The following KCNT1 variants were observed in gnomAD, a reference collection of about 807,000 sequenced individuals.
The protein encoded by KCNT1 is potassium channel subfamily T member 1.
A neutral mutation model predicts 147.8 loss-of-function variants in KCNT1; 78 were observed. The observed-to-expected ratio is 0.53, with a 90% CI of 0.44 to 0.64. The LOEUF (loss-of-function observed/expected upper bound fraction) is 0.64, where lower values mean the gene tolerates loss of function less well. KCNT1 is among the 30% of genes least tolerant of loss of function. The pLI is 0.00. For synonymous variants in KCNT1, 867 were observed against 748.8 expected (o/e 1.16, Z -2.58); for missense variants, 1,419 against 1,750.3 (o/e 0.81, Z 3.38).
chr9:135,763,780 C>A (rs1292863299), intron 11 of KCNT1, among the ~76,000 whole-genome samples: 1 of 152,172 alleles, frequency 6.6e-6, no homozygotes, highest in Non-Finnish European at 1.5e-5. Flanking sequence ...AGGTTCTGGG[C>A]AGATAGGACT....
rs1832713510 is a variant in KCNT1 at position 135,770,940 on chromosome 9, C to T, written c.1853C>T (p.Ala618Val). The change falls in exon 18 of 31, where the codon GCC becomes GTC. Residue 618 changes from alanine to valine, a missense_variant. This residue lies in a region of KCNT1 where 284 missense variants were observed against 292.8 expected (regional missense o/e 0.97). Transcript: ENST00000371757. ...CCGGGGCCCCGGCACATCCTGGCCGCCTCTGACACCTGCTTCTACATCAAC... is the reference window on the plus strand; with the variant it reads ...CCGGGGCCCCGGCACATCCTGGCCGTCTCTGACACCTGCTTCTACATCAAC... ...LNPGPRHILA[A>V]SDTCFYINIT... 3.1e-6 allele frequency: 5 copies of T among 1,613,390 alleles called. No homozygotes were observed. The South Asian group carries it at 5.5e-5, about 18-fold the overall frequency.
chr9:135,776,731 C>T (rs992406602), intron 20 of KCNT1, among the ~76,000 whole-genome samples: 5 of 152,250 alleles, frequency 3.3e-5, no homozygotes, highest in Non-Finnish European at 5.9e-5. Context: ...GTAGCATCAT[C>T]CTTGACAGAT....
chr9:135,751,450 C>G (rs1267689086), intron 4 of KCNT1, among the ~76,000 whole-genome samples: 1 of 152,114 alleles, frequency 6.6e-6, no homozygotes, highest in Non-Finnish European at 1.5e-5. Context: ...TCTTCTACCC[C>G]TCCTGGGTCC....
intron 2 of KCNT1, among the ~76,000 whole-genome samples, chr9:135,729,105 C>T (rs1404807849): frequency 6.6e-6 from 1 of 152,178 alleles, no homozygotes; most frequent in Non-Finnish European, 1.5e-5. Flanking sequence ...AATGGGGAGA[C>T]AGGTATACAC....
intron 2 of KCNT1, among the ~76,000 whole-genome samples, chr9:135,721,354 G>A (rs1321254201): frequency 6.6e-6 from 1 of 152,212 alleles, no homozygotes; most frequent in African/African-American, 2.4e-5. Flanking sequence ...CCTGCTGTGT[G>A]CAGGCGTACT....
At chr9:135,705,768 C>T (rs1327898369) in intron 1 of KCNT1, among the ~76,000 whole-genome samples, 2 of 152,208 alleles carry the variant, frequency 1.3e-5, no homozygotes, top group Non-Finnish European at 2.9e-5. Context: ...GAGGTGAGAC[C>T]AGTACTAGCA....
intron 2 of KCNT1, among the ~76,000 whole-genome samples, chr9:135,717,567 G>A (rs1013773777): frequency 2.0e-5 from 3 of 152,166 alleles, no homozygotes; most frequent in Admixed American, 6.5e-5. Flanking sequence ...CTTTCCGGGG[G>A]CGCAGGGGCA....
intron 24 of KCNT1, among the ~76,000 whole-genome samples, 155 bp from the exon 25 acceptor site, chr9:135,783,869 A>G (rs1195677127): frequency 1.3e-5 from 2 of 152,240 alleles, no homozygotes; most frequent in African/African-American, 4.8e-5. Context: ...GCAGACACAC[A>G]CTGTGTACAC....
chr9:135,770,007 C>T lies in KCNT1; in HGVS notation c.1571C>T (p.Pro524Leu), dbSNP rs1490595176. 3.9e-6 allele frequency: 6 copies of T among 1,556,888 alleles called. No individual in the cohort carries two copies. Among genetic ancestry groups the T allele is most frequent in the Admixed American group, 1.9e-5 (1 of 52,234 alleles). The change falls in exon 16 of 31, where the codon CCG (proline) becomes CTG (leucine). Residue 524 changes from proline (P) to leucine (L), a missense_variant. Physicochemically the swap from Pro to Leu is moderately conservative, Grantham distance 98. This residue lies in a region of KCNT1 where 401 missense variants were observed against 610.6 expected (regional missense o/e 0.66). Transcript: ENST00000371757. ...YAMLALNCIC[P>L]ATSTLITLLV... is the part of the protein sequence containing the mutation. ...ATGCTGGCGCTGAACTGCATCTGCC[C>T]GGCGACCTCCACCCTCATCACCCTG... is the stretch of plus-strand genomic sequence containing the variant.
intron 19 of KCNT1, among the ~76,000 whole-genome samples, chr9:135,774,429 GTGTGGTGTGTC>G (rs377682651): frequency 0.14 from 20,908 of 148,054 alleles, 1,714 homozygotes; most frequent in East Asian, 0.25. Flanking sequence ...TCTGTGTGTT[GTGTGGTGTGTC>G]TGTGGTGTGT....
intron 2 of KCNT1, among the ~76,000 whole-genome samples, chr9:135,748,323 G>A (rs974529685): frequency 1.6e-4 from 19 of 121,164 alleles, no homozygotes; most frequent in African/African-American, 3.1e-4. Flanking sequence ...CCTCCCGCCC[G>A]CCCCACAGCA....
At chr9:135,785,652 C>A (rs552657196) in intron 28 of KCNT1, 6 of 560,474 alleles carry the variant, frequency 1.1e-5, no homozygotes. Context: ...GACCAGCCCC[C>A]AGCCTCCCAG....
At position 135,769,342 on chromosome 9, in the gene KCNT1, C is replaced by T. The variant is rs545936281; in HGVS notation, c.1510+405C>T. On this transcript the variant is annotated intron_variant, in intron 15 of 30. Coordinates refer to ENST00000371757, the MANE Select transcript of KCNT1 (RefSeq NM_020822.3). Reference sequence around the variant, plus strand: ...GTGACGGTGTGTCTGGGGCAGGGCGCATGTGCACGCAGTTAGGCGAGCTGT... The same window carrying T: ...GTGACGGTGTGTCTGGGGCAGGGCGTATGTGCACGCAGTTAGGCGAGCTGT... 5.3e-5 allele frequency among the ~76,000 whole-genome samples: 8 copies of T among 152,224 alleles called. No homozygotes were observed. In the East Asian group the frequency reaches 1.2e-3, roughly 22 times the overall value.
Position 135,762,340 on chromosome 9 carries a change from G to GT in KCNT1, c.1035+2481_1035+2482insT, listed in dbSNP as rs1290043349. Among the ~76,000 whole-genome samples the GT allele has an allele frequency of 5.3e-5, 8 of 152,316 alleles. No individual in the cohort carries two copies. The South Asian group carries it at 1.7e-3, about 32-fold the overall frequency. On this transcript the variant is annotated intron_variant, in intron 11 of 30. Transcript: ENST00000371757. ...ATGCACCTGTAGTCCCAGCTACTTG[G>GT]GAGGCTGAGGCAGGAGAATCGCCTG... is the stretch of plus-strand genomic sequence containing the variant.
intron 1 of KCNT1, among the ~76,000 whole-genome samples, chr9:135,705,071 G>C (rs1441508329): frequency 2.0e-5 from 3 of 152,222 alleles, no homozygotes; most frequent in Admixed American, 2.0e-4. Flanking sequence ...AAGTGTGCTG[G>C]TCTGGTTCAC....
intron 24 of KCNT1, among the ~76,000 whole-genome samples, chr9:135,779,672 T>G (rs1311282799): frequency 6.6e-6 from 1 of 152,162 alleles, no homozygotes; most frequent in East Asian, 1.9e-4. Context: ...GGCAGGGCGT[T>G]TCCCTGACCG....
rs373387150 is a variant in KCNT1, at chr9:135,770,098, C to T, written c.1619+43C>T. Reference sequence around the variant, plus strand: ...CGGGGGACCGACCTCCATGGCGGGGCCGGCGCAGGGAGACAACGCAGGGCC... The same window carrying T: ...CGGGGGACCGACCTCCATGGCGGGGTCGGCGCAGGGAGACAACGCAGGGCC... On this transcript the variant is annotated intron_variant, in intron 16 of 30. Transcript: ENST00000371757. The T allele has an allele frequency of 1.9e-5, 28 of 1,506,298 alleles. No homozygotes were observed. In the African/African-American group the frequency reaches 3.6e-4, roughly 19 times the overall value. The allele number at this position is 1,506,298 out of a possible 1,614,324, so 93.3% of individuals were successfully genotyped here. A position where few individuals can be genotyped will look rare whatever the true frequency, so the allele number is the denominator to read the frequency against.
At chr9:135,761,345 C>T (rs866991679) in intron 11 of KCNT1, among the ~76,000 whole-genome samples, 1 of 152,200 alleles carries the variant, frequency 6.6e-6, no homozygotes, top group Non-Finnish European at 1.5e-5. Context: ...TCCCCTCTGA[C>T]GCCTGCTCCC....
At chr9:135,787,979 G>A in intron 29 of KCNT1, 2 of 741,340 alleles carry the variant, frequency 2.7e-6, no homozygotes, top group Non-Finnish European at 4.9e-6. Context: ...CTCGCTTCTG[G>A]TGGCCGGCCT....
Sources: allele counts gnomAD v4.1 joint callset (sites outside exome capture counted in the v4.1 genomes callset), GRCh38; gene constraint gnomAD v4.1.1; regional missense constraint gnomAD v4.1.1; transcripts MANE v1.5; gene names NCBI Gene and HGNC (gene_info 2026-07-23, HGNC 2026-07-21).